PTPRD: variants seen among roughly 807,000 people sequenced by gnomAD.
PTPRD encodes receptor-type tyrosine-protein phosphatase delta.
Under a neutral mutation model 214.5 loss-of-function variants are expected in PTPRD, and 34 were observed. The ratio of observed to expected loss-of-function variants is 0.16; its 90% CI spans 0.12 to 0.21. The LOEUF is 0.21. Ranked by LOEUF, PTPRD falls within the 10% of genes least tolerant of loss-of-function variation. The pLI is 1.00. For missense variants in PTPRD, 2,545 were observed against 2,398.7 expected, an observed-to-expected ratio of 1.06 and a Z score of -1.27; for synonymous variants, 1,128 against 845.7, an observed-to-expected ratio of 1.33 and a Z score of -5.79.
At chr9:9,975,725 A>G (rs1417109585) in intron 4 of PTPRD, among the ~76,000 whole-genome samples, 1 of 152,164 alleles carries the variant, frequency 6.6e-6, no homozygotes, top group Non-Finnish European at 1.5e-5. Flanking sequence ...GGAGGAGGCA[A>G]TAGAGCCCGT....
intron 5 of PTPRD, among the ~76,000 whole-genome samples, chr9:9,891,431 C>T (rs2073286963): frequency 6.7e-6 from 1 of 150,194 alleles, no homozygotes; most frequent in South Asian, 2.1e-4. Context: ...AGCAATTTGT[C>T]ATTTAGCATG....
At chr9:9,304,613 A>C (rs73390837) in intron 9 of PTPRD, among the ~76,000 whole-genome samples, 2,620 of 151,832 alleles carry the variant, frequency 0.017, 72 homozygotes, top group African/African-American at 0.06. Flanking sequence ...TTTCTGTTGG[A>C]AAGCTCCAAA....
intron 11 of PTPRD, among the ~76,000 whole-genome samples, chr9:8,916,541 G>A (rs1173082207): frequency 1.3e-5 from 2 of 152,108 alleles, no homozygotes; most frequent in African/African-American, 2.4e-5. Context: ...GTGTAGAGAG[G>A]CCTTTTAGAA....
At chr9:9,044,018 AG>A (rs1413209970) in intron 10 of PTPRD, among the ~76,000 whole-genome samples, 2 of 152,184 alleles carry the variant, frequency 1.3e-5, no homozygotes, top group African/African-American at 4.8e-5. Flanking sequence ...ATGCCAAGTC[AG>A]CATTCAATTT....
chr9:9,698,659 C>T (rs1378788221), intron 7 of PTPRD, among the ~76,000 whole-genome samples: 5 of 152,176 alleles, frequency 3.3e-5, no homozygotes, highest in Admixed American at 6.5e-5. Context: ...TGCCTTCACG[C>T]CCTCCCAATG....
chr9:10,059,982 C>T (rs558505037), intron 3 of PTPRD, among the ~76,000 whole-genome samples: 162 of 152,028 alleles, frequency 1.1e-3, no homozygotes, highest in African/African-American at 3.2e-3. Flanking sequence ...ATTTTTACTC[C>T]TTCTAATATT....
Position 8,620,983 on chromosome 9 carries a change from A to G in PTPRD, c.352+12334T>C, listed in dbSNP as rs553627966. ...TATTATTAAGTCTAAAGCTTACGAA[A>G]CTTTAAAGGACTACTTTATGAAAAC... On this transcript the variant is annotated intron_variant, in intron 14 of 45. Coordinates refer to ENST00000381196, the MANE Select transcript of PTPRD (RefSeq NM_002839.4). Among the ~76,000 whole-genome samples the G allele has an allele frequency of 2.6e-5, 4 of 152,140 alleles. No homozygotes were observed. The South Asian group carries it at 8.3e-4, about 32-fold the overall frequency.
intron 36 of PTPRD, among the ~76,000 whole-genome samples, chr9:8,402,695 A>AG (rs1259584107): frequency 1.3e-5 from 2 of 151,808 alleles, no homozygotes; most frequent in Admixed American, 6.6e-5. Context: ...CCCCCACAAA[A>AG]AAACCTGTAT....
intron 7 of PTPRD, among the ~76,000 whole-genome samples, chr9:9,669,434 T>C (rs2096784110): frequency 6.6e-6 from 1 of 152,084 alleles, no homozygotes; most frequent in African/African-American, 2.4e-5. Flanking sequence ...AAGATCAAAG[T>C]GGTGCATCAA....
chr9:9,931,031 A>C (rs1242308032), intron 5 of PTPRD, among the ~76,000 whole-genome samples: 3 of 152,150 alleles, frequency 2.0e-5, no homozygotes, highest in African/African-American at 4.8e-5. Flanking sequence ...TCTGTATTAT[A>C]ACTTGATTTT....
At chr9:10,242,759 G>A (rs1038786132) in intron 3 of PTPRD, among the ~76,000 whole-genome samples, 13 of 151,776 alleles carry the variant, frequency 8.6e-5, no homozygotes, top group African/African-American at 3.1e-4. Flanking sequence ...TCTTTCTAGT[G>A]GTGGAGGAAA....
At chr9:8,559,417 T>C (rs1335977844) in intron 14 of PTPRD, among the ~76,000 whole-genome samples, 2 of 152,246 alleles carry the variant, frequency 1.3e-5, no homozygotes, top group African/African-American at 2.4e-5. Flanking sequence ...TTGTATCATG[T>C]GCAATCAAAT....
intron 13 of PTPRD, among the ~76,000 whole-genome samples, chr9:8,635,437 T>C (rs2096400561): frequency 1.3e-5 from 2 of 152,188 alleles, no homozygotes; most frequent in South Asian, 4.1e-4. Context: ...TTTTTGTATT[T>C]AAATAAATTA....
At chr9:8,985,774 G>C in intron 11 of PTPRD, among the ~76,000 whole-genome samples, 1 of 151,718 alleles carries the variant, frequency 6.6e-6, no homozygotes, top group East Asian at 1.9e-4. Context: ...ACAATATATT[G>C]TGCACCTATA....
intron 8 of PTPRD, among the ~76,000 whole-genome samples, chr9:9,528,430 T>A (rs1011525676): frequency 3.9e-5 from 6 of 152,132 alleles, no homozygotes; most frequent in African/African-American, 7.2e-5. Flanking sequence ...TAGCTTGGTC[T>A]AAAGGATTGT....
At chr9:9,434,413 GAAT>G (rs2084384827) in intron 8 of PTPRD, among the ~76,000 whole-genome samples, 1 of 152,130 alleles carries the variant, frequency 6.6e-6, no homozygotes, top group Non-Finnish European at 1.5e-5. Context: ...TTGGAAGAAT[GAAT>G]AATGTTAAAA....
At chr9:9,043,875 G>C (rs1293993402) in intron 10 of PTPRD, among the ~76,000 whole-genome samples, 1 of 150,982 alleles carries the variant, frequency 6.6e-6, no homozygotes. Flanking sequence ...CTGTACTCCA[G>C]CCTGGGTGAC....
chr9:8,338,589 C>T (rs528142397), intron 43 of PTPRD, among the ~76,000 whole-genome samples: 1 of 152,086 alleles, frequency 6.6e-6, no homozygotes, highest in African/African-American at 2.4e-5. Flanking sequence ...CAAAAAAGCT[C>T]CAAAGAGCAT....
chr9:9,001,026 C>G (rs2099416090), intron 11 of PTPRD, among the ~76,000 whole-genome samples: 1 of 152,050 alleles, frequency 6.6e-6, no homozygotes, highest in Non-Finnish European at 1.5e-5. Context: ...ATCCTGCCTT[C>G]CACTATAAGA....
Sources: gnomAD v4.1 joint callset for allele counts (sites outside exome capture counted in the v4.1 genomes callset) on GRCh38, gnomAD v4.1.1 for gene constraint, MANE v1.5 for transcripts, NCBI Gene and HGNC (gene_info 2026-07-23, HGNC 2026-07-21) for gene names.